BBS9: variants seen among roughly 807,000 people sequenced by gnomAD.
The protein encoded by BBS9 is protein PTHB1.
Under a neutral mutation model 117.7 loss-of-function variants are expected in BBS9, and 89 were observed. The observed-to-expected ratio is 0.76, with a 90% CI of 0.64 to 0.90. The LOEUF (loss-of-function observed/expected upper bound fraction) is 0.90, where lower values mean the gene tolerates loss of function less well. Ranked by LOEUF, BBS9 falls within the 40% of genes least tolerant of loss-of-function variation. BBS9 has a pLI of 0.00. For missense variants in BBS9, 982 were observed against 1,042.2 expected, an observed-to-expected ratio of 0.94 and a Z score of 0.80; for synonymous variants, 379 against 370.9, an observed-to-expected ratio of 1.02 and a Z score of -0.25.
chr7:33,253,829 G>A (rs559933580), intron 5 of BBS9, among the ~76,000 whole-genome samples: 2 of 152,220 alleles, frequency 1.3e-5, no homozygotes, highest in Admixed American at 1.3e-4. Flanking sequence ...TATAACCTCT[G>A]CTCCTATCTT....
chr7:33,609,363 C>T (rs747290955), downstream of BBS9, among the ~76,000 whole-genome samples: 11 of 152,138 alleles, frequency 7.2e-5, no homozygotes, highest in Non-Finnish European at 1.5e-4. Flanking sequence ...TCTTCATTAG[C>T]TAGATTATTA....
At chr7:33,215,824 C>T (rs1038087836) in intron 5 of BBS9, among the ~76,000 whole-genome samples, 1 of 152,190 alleles carries the variant, frequency 6.6e-6, no homozygotes, top group African/African-American at 2.4e-5. Flanking sequence ...GACAGAGAAG[C>T]TGAAAGAGGA....
intron 19 of BBS9, among the ~76,000 whole-genome samples, chr7:33,404,195 T>G (rs1274595135): frequency 6.6e-6 from 1 of 152,120 alleles, no homozygotes; most frequent in Non-Finnish European, 1.5e-5. Context: ...TCTGTTCCAT[T>G]GATCTATATC....
chr7:33,554,695 C>T (rs574889529), intron 21 of BBS9, among the ~76,000 whole-genome samples: 23 of 152,196 alleles, frequency 1.5e-4, no homozygotes, highest in African/African-American at 4.6e-4. Context: ...CCAAGTGCTC[C>T]GGAGCTCAGG....
intron 9 of BBS9, among the ~76,000 whole-genome samples, chr7:33,275,546 A>C (rs2128352140): frequency 6.6e-6 from 1 of 151,628 alleles, no homozygotes; most frequent in East Asian, 1.9e-4. Flanking sequence ...GTTCATTTGC[A>C]AAAAGACAGA....
rs1554551689 is a variant in BBS9, at chr7:33,590,459, G to GTTTTTTTGTTTTTTT, written c.2522-14399_2522-14398insGTTTTTTTTTTTTTT. Among the ~76,000 whole-genome samples the GTTTTTTTGTTTTTTT allele has an allele frequency of 2.3e-3, 233 of 101,406 alleles. 2 individuals are homozygous for GTTTTTTTGTTTTTTT. Among genetic ancestry groups the GTTTTTTTGTTTTTTT allele is most frequent in the African/African-American group, 7.5e-3 (187 of 24,850 alleles). 66.5% of individuals were successfully genotyped at this position (101,406 alleles called of 152,430 possible). On this transcript the variant is annotated intron_variant, in intron 21 of 22. Coordinates refer to ENST00000242067, the MANE Select transcript of BBS9 (RefSeq NM_198428.3). ...CCACTGTTTGTTTTTTTGTTTTTTT[G>GTTTTTTTGTTTTTTT]TTTTTTTTTTTTTTTTTTACCAGAT...
intron 21 of BBS9, among the ~76,000 whole-genome samples, chr7:33,546,100 A>C (rs1853314499): frequency 6.6e-6 from 1 of 151,330 alleles, no homozygotes. Context: ...CGCCTGGCTA[A>C]TTTTTTGTAT....
intron 19 of BBS9, among the ~76,000 whole-genome samples, chr7:33,448,357 G>C (rs75282984): frequency 2.6e-5 from 4 of 152,136 alleles, no homozygotes; most frequent in Non-Finnish European, 2.9e-5. Flanking sequence ...GATGTAGTCT[G>C]AGTGCATTCC....
chr7:33,272,968 T>A (rs760477601), intron 7 of BBS9, 44 bp from the exon 8 acceptor site: 1 of 1,596,220 alleles, frequency 6.3e-7, no homozygotes, highest in African/African-American at 1.3e-5. Flanking sequence ...AACTGAAATT[T>A]TCTGAGGTTA....
At chr7:33,162,104 T>A (rs1217047941) in intron 4 of BBS9, among the ~76,000 whole-genome samples, 2 of 152,150 alleles carry the variant, frequency 1.3e-5, no homozygotes, top group African/African-American at 4.8e-5. Context: ...TTTCTTTTTT[T>A]GCTCATGAAG....
Position 33,208,154 on chromosome 7 carries a change from C to T in BBS9, c.442+30563C>T, listed in dbSNP as rs147842074. Among the ~76,000 whole-genome samples the T allele has an allele frequency of 7.2e-5, 11 of 152,282 alleles. No individual in the cohort carries two copies. The East Asian group carries it at 1.5e-3, about 21-fold the overall frequency. On this transcript the variant is annotated intron_variant, in intron 5 of 22. Coordinates refer to ENST00000242067, the MANE Select transcript of BBS9 (RefSeq NM_198428.3). ...CATGCATTCCTACCATTATATCCAA[C>T]TTCAGTTCATTCCTACATAATTCTT...
chr7:33,301,403 C>A (rs1452643357), intron 9 of BBS9, among the ~76,000 whole-genome samples: 1 of 151,768 alleles, frequency 6.6e-6, no homozygotes, highest in African/African-American at 2.4e-5. Flanking sequence ...GTTAACCATC[C>A]CCATTTCCTC....
chr7:33,597,454 T>A (rs1200115681), intron 21 of BBS9, among the ~76,000 whole-genome samples: 1 of 115,054 alleles, frequency 8.7e-6, no homozygotes, highest in Non-Finnish European at 1.6e-5. Context: ...CTTAAATATA[T>A]GAAGAAAAAA....
intron 10 of BBS9, among the ~76,000 whole-genome samples, chr7:33,338,103 C>T (rs1475613637): frequency 1.3e-5 from 2 of 152,060 alleles, no homozygotes; most frequent in Non-Finnish European, 2.9e-5. Context: ...GATAGGGATA[C>T]ACCCACAGAC....
intron 19 of BBS9, among the ~76,000 whole-genome samples, chr7:33,398,654 C>T (rs1052644396): frequency 6.6e-6 from 1 of 152,058 alleles, no homozygotes; most frequent in Admixed American, 6.5e-5. Context: ...AAATGTGAGC[C>T]ACATGTATTA....
intron 21 of BBS9, among the ~76,000 whole-genome samples, chr7:33,583,158 T>C (rs1267562448): frequency 6.6e-6 from 1 of 152,160 alleles, no homozygotes; most frequent in Non-Finnish European, 1.5e-5. Context: ...TATCTTAATA[T>C]GAAAGCATTT....
At chr7:33,424,941 T>G (rs1022830157) in intron 19 of BBS9, among the ~76,000 whole-genome samples, 6 of 152,172 alleles carry the variant, frequency 3.9e-5, no homozygotes, top group African/African-American at 4.8e-5. Flanking sequence ...AGTTTATGAT[T>G]TTTTGGATAT....
chr7:33,474,513 T>C (rs1841526360), intron 19 of BBS9, among the ~76,000 whole-genome samples: 1 of 152,220 alleles, frequency 6.6e-6, no homozygotes, highest in Non-Finnish European at 1.5e-5. Flanking sequence ...ATCTTTGGAA[T>C]ATTGTTTTTG....
intron 9 of BBS9, among the ~76,000 whole-genome samples, chr7:33,306,332 A>T (rs1807948290): frequency 6.6e-6 from 1 of 152,008 alleles, no homozygotes; most frequent in African/African-American, 2.4e-5. Flanking sequence ...TAAGTCACAA[A>T]TCTATAATGA....
Sources: gnomAD v4.1 joint callset for allele counts (sites outside exome capture counted in the v4.1 genomes callset) on GRCh38, gnomAD v4.1.1 for gene constraint, MANE v1.5 for transcripts, NCBI Gene and HGNC (gene_info 2026-07-23, HGNC 2026-07-21) for gene names.